The following SRCIN1 variants were observed in gnomAD, a reference collection of about 807,000 sequenced individuals.
SRCIN1 encodes P130Cas-associated protein.
In SRCIN1, 50 loss-of-function variants were observed where a neutral mutation model predicts 116.2. The ratio of observed to expected loss-of-function variants is 0.43; its 90% CI spans 0.34 to 0.54. The LOEUF is 0.54. Ranked by LOEUF, SRCIN1 falls within the 20% of genes least tolerant of loss-of-function variation. The pLI is 0.02. For missense variants in SRCIN1, 1,446 were observed against 1,672.0 expected, an observed-to-expected ratio of 0.86 and a Z score of 2.36; for synonymous variants, 736 against 750.0, an observed-to-expected ratio of 0.98 and a Z score of 0.30.
rs964433133 is a variant in SRCIN1, at chr17:38,532,427, A to C, written c.*870T>G. The stretch of plus-strand genomic sequence containing the variant: ...GCCATTTAAAGTGCTAAATCAGGAA[A>C]CTAAAAGTACCAAATACCCGTCCGG... On this transcript the variant is annotated 3_prime_UTR_variant, in exon 19 of 19. Transcript: ENST00000617146. This position sits in a 1 kb window ranked among gnomAD's most constrained non-coding sequence, Gnocchi z 4.3. The C allele has an allele frequency of 1.3e-5, 2 of 152,632 alleles. No homozygotes were observed. The highest frequency in any genetic ancestry group is 4.8e-5 in the African/African-American group (2 of 41,430). The allele number at this position is 152,632 out of a possible 1,614,324, so 9.5% of individuals were successfully genotyped here. A position where few individuals can be genotyped will look rare whatever the true frequency, so the allele number is the denominator to read the frequency against.
rs1288882854 is a variant in SRCIN1 at position 38,544,020 on chromosome 17, C to G, written c.3271-51G>C. ...GTTGCAGAGTCCACATGGGGTGAAT[C>G]ACACAGGAACCCTAGCACTGGGTGG... On this transcript the variant is annotated intron_variant, in intron 17 of 18. Transcript: ENST00000617146. The surrounding 1 kb of genome is among the most constrained non-coding windows in gnomAD (Gnocchi z 4.5). 2 of 1,524,596 alleles carry G rather than the reference C, an allele frequency of 1.3e-6. No homozygotes were observed. The highest frequency in any genetic ancestry group is 4.8e-5 in the East Asian group (2 of 41,254). 94.4% of individuals were successfully genotyped at this position (1,524,596 alleles called of 1,614,324 possible).
Position 38,564,136 on chromosome 17 carries a change from T to C in SRCIN1, c.523A>G (p.Thr175Ala). The part of the protein sequence containing the change: ...SLPLSRSASQ[T>A]KLRSPGVLFL... ...GCAGTACCTGGGGAGCGCAGCTTGG[T>C]CTGGCTGGCCGAGCGGGAGAGAGGC... is the stretch of plus-strand genomic sequence containing the variant. Residue 175 changes from threonine to alanine, a missense_variant, in exon 4 of 19, where the codon ACC becomes GCC. Thr to Ala is a moderately conservative substitution (Grantham distance 58). This residue lies in a region of SRCIN1 where 246 missense variants were observed against 265.1 expected (regional missense o/e 0.93). Transcript: ENST00000617146. The C allele has an allele frequency of 1.2e-6, 2 of 1,600,438 alleles. No homozygotes were observed. Among genetic ancestry groups the C allele is most frequent in the Non-Finnish European group, 1.7e-6 (2 of 1,174,370 alleles).
intron 1 of SRCIN1, among the ~76,000 whole-genome samples, chr17:38,587,001 C>T (rs77044495): frequency 0.015 from 2,327 of 150,856 alleles, 60 homozygotes; most frequent in South Asian, 0.13. Flanking sequence ...GGTGGGCACC[C>T]GGGGAGGGGG....
chr17:38,593,640 C>A (rs936532236), intron 1 of SRCIN1, among the ~76,000 whole-genome samples: 3 of 152,154 alleles, frequency 2.0e-5, no homozygotes, highest in Admixed American at 6.5e-5. Context: ...CAATGCACAA[C>A]CCAGCATCTG....
At position 38,534,478 on chromosome 17, in the gene SRCIN1, T is replaced by C. The variant is rs141388865; in HGVS notation, c.3418-1047A>G. Reference sequence around the variant, plus strand: ...TTGTACCCACTGTCCCTCCTGGCCTTGCTTAGCTACTAGTGTGAGAACTGA... The same window carrying C: ...TTGTACCCACTGTCCCTCCTGGCCTCGCTTAGCTACTAGTGTGAGAACTGA... On this transcript the variant is annotated intron_variant, in intron 18 of 18. Transcript: ENST00000617146. Among the ~76,000 whole-genome samples, 464 of 152,292 alleles carry C rather than the reference T, an allele frequency of 3.0e-3. 1 individual carries two copies. The highest frequency in any genetic ancestry group is 8.3e-3 in the Admixed American group (127 of 15,294).
intron 15 of SRCIN1, among the ~76,000 whole-genome samples, chr17:38,550,467 C>G (rs1036438504): frequency 6.6e-6 from 1 of 151,996 alleles, no homozygotes; most frequent in Admixed American, 6.6e-5. Context: ...GCACTCCAGC[C>G]TGGGCGACAG....
At chr17:38,581,852 T>C (rs1021750515) in intron 1 of SRCIN1, among the ~76,000 whole-genome samples, 1 of 152,060 alleles carries the variant, frequency 6.6e-6, no homozygotes, top group African/African-American at 2.4e-5. Flanking sequence ...GCTGGAGAAA[T>C]AGCTCCAACC....
At chr17:38,580,161 C>T (rs1396321418) in intron 1 of SRCIN1, among the ~76,000 whole-genome samples, 1 of 151,290 alleles carries the variant, frequency 6.6e-6, no homozygotes, top group Non-Finnish European at 1.5e-5. Flanking sequence ...AAGCCTCCTC[C>T]CGCCAAGCAT....
chr17:38,594,332 G>T (rs901469965), intron 1 of SRCIN1, among the ~76,000 whole-genome samples: 3 of 152,220 alleles, frequency 2.0e-5, no homozygotes, highest in Non-Finnish European at 4.4e-5. Context: ...ACAAATGAGC[G>T]CTCTGCAGAT....
rs1964850745 is a variant in SRCIN1 at position 38,578,491 on chromosome 17, T to C, written c.323A>G (p.Gln108Arg). 2 of 1,581,186 alleles carry C rather than the reference T, an allele frequency of 1.3e-6. No homozygotes were observed. Among genetic ancestry groups the C allele is most frequent in the Non-Finnish European group, 1.7e-6 (2 of 1,157,046 alleles). Reference protein sequence around the residue: ...LRGQQDRMREQPNYWSFKTRS... With the variant: ...LRGQQDRMRERPNYWSFKTRS... ...AGCCGCAGCCGGGAGCCCACTCACC[T>C]GCTCTCGCATCCTGTCCTGCTGGCC... is the stretch of plus-strand genomic sequence containing the variant. Residue 108 changes from glutamine to arginine, a missense_variant and splice_region_variant, in exon 2 of 19, where the codon CAG becomes CGG. By Grantham distance (43) the Gln-to-Arg change is conservative (BLOSUM62 1). Coordinates refer to ENST00000617146, the MANE Select transcript of SRCIN1 (RefSeq NM_025248.3).
In SRCIN1 at chr17:38,552,882, C is replaced by G. The variant is rs761348933; in HGVS notation, c.2202-27G>C. 6 of 1,599,180 alleles carry G rather than the reference C, an allele frequency of 3.8e-6. No individual in the cohort carries two copies. In the East Asian group the frequency reaches 1.1e-4, roughly 30 times the overall value. On this transcript the variant is annotated intron_variant, in intron 11 of 18. Coordinates refer to ENST00000617146, the MANE Select transcript of SRCIN1 (RefSeq NM_025248.3). This position sits in a 1 kb window ranked among gnomAD's most constrained non-coding sequence, Gnocchi z 5.3. ...TGCAGCCACAGAGAGACCCTTTCAG[C>G]CCTTTTGGCCTGAGATGCCAGCCCA...
intron 3 of SRCIN1, among the ~76,000 whole-genome samples, chr17:38,566,943 C>T (rs1906751319): frequency 4.0e-5 from 5 of 125,880 alleles, no homozygotes; most frequent in Non-Finnish European, 6.7e-5. Context: ...CTTTCTCTCT[C>T]TCTTTCTCTC....
At chr17:38,541,341 T>C (rs1225120644) in intron 18 of SRCIN1, 4 of 152,032 alleles carry the variant, frequency 2.6e-5, no homozygotes, top group African/African-American at 4.8e-5. Context: ...GAAAGGCTAC[T>C]GGAGCACTGG....
intron 2 of SRCIN1, among the ~76,000 whole-genome samples, chr17:38,577,075 C>A (rs1164881430): frequency 6.6e-6 from 1 of 152,238 alleles, no homozygotes; most frequent in Admixed American, 6.5e-5. Flanking sequence ...TACACCCCCA[C>A]CACTCCTAAA....
intron 18 of SRCIN1, among the ~76,000 whole-genome samples, chr17:38,534,018 G>T (rs1191418773): frequency 6.6e-6 from 1 of 152,098 alleles, no homozygotes; most frequent in Non-Finnish European, 1.5e-5. Context: ...AGGCGCTGCC[G>T]CACCAGCCTC....
intron 1 of SRCIN1, among the ~76,000 whole-genome samples, chr17:38,579,892 G>A (rs1907685973): frequency 2.0e-5 from 3 of 152,156 alleles, no homozygotes; most frequent in Non-Finnish European, 4.4e-5. Flanking sequence ...CCATATTCCT[G>A]GGCATAAAAC....
At position 38,558,435 on chromosome 17, in the gene SRCIN1, G is replaced by A. The variant is rs201822716; in HGVS notation, c.2026-33C>T. 3.2e-6 allele frequency: 5 copies of A among 1,558,206 alleles called. No individual in the cohort carries two copies. Among genetic ancestry groups the A allele is most frequent in the East Asian group, 2.4e-5 (1 of 42,020 alleles). ...ACGCACGGACGGATGGACCCGGGTG[G>A]GGGGAGCGGAGCCGCGAGGCAGGGG... is the stretch of plus-strand genomic sequence containing the variant. On this transcript the variant is annotated intron_variant, in intron 10 of 18. Coordinates refer to ENST00000617146, the MANE Select transcript of SRCIN1 (RefSeq NM_025248.3). This position sits in a 1 kb window ranked among gnomAD's most constrained non-coding sequence, Gnocchi z 4.6.
chr17:38,574,025 C>A (rs1907252052), intron 2 of SRCIN1, among the ~76,000 whole-genome samples: 1 of 152,190 alleles, frequency 6.6e-6, no homozygotes, highest in Admixed American at 6.5e-5. Context: ...TCTCTTAATT[C>A]TCCTTGAAAA....
chr17:38,543,664 G>A (rs187127342), intron 18 of SRCIN1, among the ~76,000 whole-genome samples, 159 bp downstream of exon 18: 34 of 152,298 alleles, frequency 2.2e-4, no homozygotes, highest in African/African-American at 7.7e-4. Flanking sequence ...GGGAGAAGAC[G>A]GTTCAGGGGG....
Sources: gnomAD v4.1 joint callset for allele counts (sites outside exome capture counted in the v4.1 genomes callset) on GRCh38, gnomAD v4.1.1 for gene constraint, gnomAD v4.1.1 regional missense constraint, Gnocchi (gnomAD v3.1) non-coding constraint, MANE v1.5 for transcripts, NCBI Gene and HGNC (gene_info 2026-07-23, HGNC 2026-07-21) for gene names.